The following XYLT1 variants were observed in gnomAD, a reference collection of about 807,000 sequenced individuals.
XYLT1 encodes the protein beta-D-xylosyltransferase 1.
Under a neutral mutation model 91.3 loss-of-function variants are expected in XYLT1, and 36 were observed. The observed-to-expected ratio is 0.39, with a 90% CI of 0.30 to 0.52. The LOEUF is 0.52. Among genes scored for constraint, XYLT1 ranks in the 20% least tolerant of loss-of-function variants. The probability of loss-of-function intolerance (pLI) is 0.68; values close to 1 mark genes in which losing one functional copy is unlikely to be tolerated. For missense variants in XYLT1, 1,242 were observed against 1,284.5 expected (o/e 0.97, Z 0.51); for synonymous variants, 588 against 532.0 (o/e 1.11, Z -1.45).
Position 17,138,047 on chromosome 16 carries a change from T to TGAA in XYLT1, c.1764+307_1764+308insTTC, listed in dbSNP as rs59876842. Among the ~76,000 whole-genome samples the TGAA allele has an allele frequency of 0.43, 65,910 of 151,794 alleles. 15,877 individuals carry two copies. The highest frequency in any genetic ancestry group is 0.77 in the East Asian group (3,965 of 5,154). ...AAAAGGGAATAAAGAGAAGATGATATGAGTATGGCCTTTGGAAAGTTTTTT... is the reference window on the plus strand; with the variant it reads ...AAAAGGGAATAAAGAGAAGATGATATGAAGAGTATGGCCTTTGGAAAGTTTTTT... On this transcript the variant is annotated intron_variant, in intron 8 of 11. Coordinates refer to ENST00000261381, the MANE Select transcript of XYLT1 (RefSeq NM_022166.4).
chr16:17,390,490 C>T (rs914607487), intron 1 of XYLT1, among the ~76,000 whole-genome samples: 2 of 152,204 alleles, frequency 1.3e-5, no homozygotes, highest in African/African-American at 2.4e-5. Flanking sequence ...ACTGGTAAGT[C>T]AACAGAGTCT....
At position 17,187,984 on chromosome 16, in the gene XYLT1, CCT is replaced by C. The variant is rs2032222984; in HGVS notation, c.1289+10226_1289+10227del. ...TCTCTGCTCCAGCTCCTGTTGAAATCCTCTGAGTCTCCTGAACGAGGCTGTTT... is the reference window on the plus strand; with the variant it reads ...TCTCTGCTCCAGCTCCTGTTGAAATCCTGAGTCTCCTGAACGAGGCTGTTT... On this transcript the variant is annotated intron_variant, in intron 5 of 11. Transcript: ENST00000261381. 6.6e-5 allele frequency among the ~76,000 whole-genome samples: 10 copies of C among 152,214 alleles called. No individual in the cohort carries two copies. The South Asian group carries it at 1.9e-3, about 28-fold the overall frequency.
At chr16:17,234,816 C>A (rs1431095523) in intron 3 of XYLT1, among the ~76,000 whole-genome samples, 1 of 152,074 alleles carries the variant, frequency 6.6e-6, no homozygotes, top group Non-Finnish European at 1.5e-5. Flanking sequence ...ATTACTTAGC[C>A]CACAGAGAAA....
At chr16:17,136,722 C>T (rs879540564) in intron 8 of XYLT1, among the ~76,000 whole-genome samples, 66 of 152,214 alleles carry the variant, frequency 4.3e-4, no homozygotes, top group Non-Finnish European at 7.9e-4. Context: ...CCAAGTTCTT[C>T]GCGCAAGAAC....
chr16:17,172,458 GTTCAT>G lies in XYLT1; in HGVS notation c.1290-13554_1290-13550del, dbSNP rs371764037. On this transcript the variant is annotated intron_variant, in intron 5 of 11. Transcript: ENST00000261381. The stretch of plus-strand genomic sequence containing the variant: ...CATCTTCCTATGTGCCAAAGACTGC[GTTCAT>G]TTCTTTTTTTTTTTTTTTTTTTTTT... Among the ~76,000 whole-genome samples the G allele has an allele frequency of 3.4e-4, 48 of 140,536 alleles. 1 individual carries two copies. The highest frequency in any genetic ancestry group is 1.2e-3 in the African/African-American group (47 of 38,826). The allele number at this position is 140,536 out of a possible 152,430, so 92.2% of individuals were successfully genotyped here. A position where few individuals can be genotyped will look rare whatever the true frequency, so the allele number is the denominator to read the frequency against.
chr16:17,359,883 T>G (rs569490325), intron 1 of XYLT1, among the ~76,000 whole-genome samples: 54 of 152,090 alleles, frequency 3.6e-4, no homozygotes, highest in Non-Finnish European at 6.9e-4. Flanking sequence ...GCAGAAAGAG[T>G]CTACTCTGTA....
intron 1 of XYLT1, among the ~76,000 whole-genome samples, chr16:17,463,733 G>T (rs1046614452): frequency 6.6e-6 from 1 of 152,198 alleles, no homozygotes; most frequent in African/African-American, 2.4e-5. Flanking sequence ...ACACAGGAAA[G>T]GATTAATTAT....
At chr16:17,435,876 T>C (rs2036452218) in intron 1 of XYLT1, among the ~76,000 whole-genome samples, 1 of 152,200 alleles carries the variant, frequency 6.6e-6, no homozygotes, top group African/African-American at 2.4e-5. Context: ...TGCATGACTT[T>C]ATTTACTTCC....
At chr16:17,309,506 G>A (rs1023240688) in intron 2 of XYLT1, among the ~76,000 whole-genome samples, 1 of 152,152 alleles carries the variant, frequency 6.6e-6, no homozygotes. Context: ...CATAATGAAC[G>A]GGTGGGAGGG....
chr16:17,151,015 C>G (rs1313341813), intron 6 of XYLT1, among the ~76,000 whole-genome samples: 2 of 152,252 alleles, frequency 1.3e-5, no homozygotes, highest in East Asian at 3.9e-4. Flanking sequence ...TTCATAGGGG[C>G]CGACTTGATC....
intron 2 of XYLT1, among the ~76,000 whole-genome samples, chr16:17,315,773 A>T (rs1288279979): frequency 1.3e-5 from 2 of 151,822 alleles, no homozygotes; most frequent in East Asian, 3.9e-4. Flanking sequence ...CTGGTGGTAG[A>T]TCTCAAGTCT....
intron 2 of XYLT1, among the ~76,000 whole-genome samples, chr16:17,327,126 CA>C (rs2034816791): frequency 6.6e-6 from 1 of 152,180 alleles, no homozygotes; most frequent in Admixed American, 6.5e-5. Context: ...TGTGTAATGT[CA>C]TCATCACACA....
At chr16:17,379,763 T>TCTCTCACACACACACACACA (rs373354877) in intron 1 of XYLT1, among the ~76,000 whole-genome samples, 1 of 125,546 alleles carries the variant, frequency 8.0e-6, no homozygotes, top group African/African-American at 3.2e-5. Flanking sequence ...TCTCTCTCTC[T>TCTCTCACACACACACACACA]CACACACACA....
chr16:17,387,624 C>T (rs905866277), intron 1 of XYLT1, among the ~76,000 whole-genome samples: 60 of 152,154 alleles, frequency 3.9e-4, no homozygotes, highest in Admixed American at 2.0e-4. Context: ...CCATTGGCTG[C>T]CTGGCAGGCA....
At chr16:17,355,568 G>A (rs66559556) in intron 2 of XYLT1, among the ~76,000 whole-genome samples, 15 of 152,062 alleles carry the variant, frequency 9.9e-5, no homozygotes, top group East Asian at 5.8e-4. Flanking sequence ...CAGAGGGTGC[G>A]TACAGGAACA....
At chr16:17,283,054 C>A (rs1443275591) in intron 2 of XYLT1, among the ~76,000 whole-genome samples, 1 of 152,014 alleles carries the variant, frequency 6.6e-6, no homozygotes, top group Non-Finnish European at 1.5e-5. Flanking sequence ...ATGCATAGAC[C>A]CACATTTCCA....
intron 3 of XYLT1, among the ~76,000 whole-genome samples, chr16:17,202,768 C>T (rs75595249): frequency 3.3e-5 from 5 of 151,980 alleles, no homozygotes; most frequent in Admixed American, 3.3e-4. Context: ...TATCTGAACA[C>T]ACCACTAGAA....
Position 17,324,960 on chromosome 16 carries a change from C to T in XYLT1, c.402+33052G>A, listed in dbSNP as rs547884280. 2.5e-4 allele frequency among the ~76,000 whole-genome samples: 38 copies of T among 151,164 alleles called. No individual in the cohort carries two copies. The South Asian group carries it at 6.5e-3, about 26-fold the overall frequency. ...AGAAAGACGATGCTTTATCATAACA[C>T]GAGTTATAGCTATTTATATATAATT... is the stretch of plus-strand genomic sequence containing the variant. On this transcript the variant is annotated intron_variant, in intron 2 of 11. Coordinates refer to ENST00000261381, the MANE Select transcript of XYLT1 (RefSeq NM_022166.4).
intron 6 of XYLT1, among the ~76,000 whole-genome samples, chr16:17,148,614 T>C (rs952871854): frequency 2.0e-5 from 3 of 152,204 alleles, no homozygotes; most frequent in Admixed American, 2.0e-4. Flanking sequence ...CTAACACACA[T>C]TTAACAGAAA....
Sources: gnomAD v4.1 joint callset for allele counts (sites outside exome capture counted in the v4.1 genomes callset) on GRCh38, gnomAD v4.1.1 for gene constraint, MANE v1.5 for transcripts, NCBI Gene and HGNC (gene_info 2026-07-23, HGNC 2026-07-21) for gene names.